IQUB: variants seen among roughly 807,000 people sequenced by gnomAD.
IQUB encodes IQ motif and ubiquitin-like domain-containing protein.
A neutral mutation model predicts 86.4 loss-of-function variants in IQUB; 86 were observed. The observed-to-expected ratio is 1.00, with a 90% confidence interval of 0.84 to 1.19. IQUB has a LOEUF of 1.19. IQUB is among the 50% of genes most tolerant of loss of function. The probability of loss-of-function intolerance (pLI) is 0.00; values close to 1 mark genes in which losing one functional copy is unlikely to be tolerated. For synonymous variants in IQUB, 289 were observed against 304.5 expected (o/e 0.95, Z 0.53); for missense variants, 946 against 916.9 (o/e 1.03, Z -0.41).
At chr7:123,486,648 T>C (rs1235923386) in intron 7 of IQUB, among the ~76,000 whole-genome samples, 1 of 152,230 alleles carries the variant, frequency 6.6e-6, no homozygotes, top group Non-Finnish European at 1.5e-5. Flanking sequence ...GAATCCTTTT[T>C]ATAATTAACA....
intron 7 of IQUB, among the ~76,000 whole-genome samples, chr7:123,493,871 G>C (rs6974802): frequency 0.27 from 41,168 of 150,372 alleles, 6,031 homozygotes; most frequent in East Asian, 0.37. Context: ...AAACTAGTTG[G>C]GGGGGCAGGG....
chr7:123,482,456 T>G (rs1302069667), intron 7 of IQUB, among the ~76,000 whole-genome samples: 1 of 152,038 alleles, frequency 6.6e-6, no homozygotes, highest in Non-Finnish European at 1.5e-5. Context: ...ACAAACTACA[T>G]TTTTACCACA....
chr7:123,515,969 C>T (rs1490669914), intron 1 of IQUB, among the ~76,000 whole-genome samples: 4 of 152,150 alleles, frequency 2.6e-5, no homozygotes, highest in Non-Finnish European at 5.9e-5. Flanking sequence ...GTGATGGAAA[C>T]ACTCAAAATC....
chr7:123,513,837 T>C (rs1796533431), intron 1 of IQUB, among the ~76,000 whole-genome samples: 1 of 152,102 alleles, frequency 6.6e-6, no homozygotes, highest in Non-Finnish European at 1.5e-5. Flanking sequence ...TTAGTAGAGA[T>C]GGGGTTTTGC....
Position 123,461,552 on chromosome 7 carries a change from G to A in IQUB, c.1812C>T (p.Cys604=). Residue 604 remains cysteine (C), a synonymous_variant, in exon 11 of 13, where the codon TGC becomes TGT. Transcript: ENST00000324698. ...FYKKIYFCHS[C]QLYLPSTEFS... is the part of the protein sequence containing the mutation. Reference sequence around the variant, plus strand: ...ATTCTGTAGAAGGCAAATAAAGCTGGCAACTGTGGCAAAAGTAAATCTTCT... The same window carrying A: ...ATTCTGTAGAAGGCAAATAAAGCTGACAACTGTGGCAAAAGTAAATCTTCT... 6.2e-7 allele frequency: 1 copy of A among 1,611,574 alleles called. No homozygotes were observed. The highest frequency in any genetic ancestry group is 1.1e-5 in the South Asian group (1 of 90,958).
chr7:123,517,568 C>T (rs962812160), intron 1 of IQUB, among the ~76,000 whole-genome samples: 5 of 150,018 alleles, frequency 3.3e-5, no homozygotes, highest in African/African-American at 1.2e-4. Flanking sequence ...GAAAGAGACC[C>T]TATATCTTTT....
chr7:123,460,709 C>T (rs902288060), intron 11 of IQUB, among the ~76,000 whole-genome samples: 1 of 151,896 alleles, frequency 6.6e-6, no homozygotes, highest in African/African-American at 2.4e-5. Flanking sequence ...GAGACACAGA[C>T]TATCCTCTGG....
chr7:123,522,835 C>T (rs1318859051), intron 1 of IQUB, among the ~76,000 whole-genome samples: 1 of 147,870 alleles, frequency 6.8e-6, no homozygotes, highest in African/African-American at 2.5e-5. Context: ...GTATATCTCC[C>T]AATGCTATCC....
At chr7:123,502,788 C>CAT in intron 5 of IQUB, 36 bp from the exon 6 acceptor site, 1 of 1,476,984 alleles carries the variant, frequency 6.8e-7, no homozygotes, top group Non-Finnish European at 9.2e-7. Context: ...ATCAGTATCC[C>CAT]CTATATATAT....
intron 1 of IQUB, among the ~76,000 whole-genome samples, chr7:123,519,082 G>A (rs1343077753): frequency 6.6e-6 from 1 of 152,010 alleles, no homozygotes. Context: ...ATAATAATCA[G>A]AGAAATGCAA....
chr7:123,517,530 CAAAAAAAAAAAAA>C lies in IQUB; in HGVS notation c.-4-5199_-4-5187del, dbSNP rs374712007. Among the ~76,000 whole-genome samples, 94 of 22,452 alleles carry C rather than the reference CAAAAAAAAAAAAA, an allele frequency of 4.2e-3. 2 individuals carry two copies. The highest frequency in any genetic ancestry group is 0.015 in the African/African-American group (75 of 5,008). The allele number at this position is 22,452 out of a possible 152,430, so 14.7% of individuals were successfully genotyped here. ...TGGGTGACAGAGCGAGACTCCATCT[CAAAAAAAAAAAAA>C]AAAAAAAAAAAAAAGAAAGAGACCC... is the stretch of plus-strand genomic sequence containing the variant. On this transcript the variant is annotated intron_variant, in intron 1 of 12. Coordinates refer to ENST00000324698, the MANE Select transcript of IQUB (RefSeq NM_178827.5).
intron 8 of IQUB, among the ~76,000 whole-genome samples, chr7:123,471,472 G>A (rs1257938517): frequency 6.6e-6 from 1 of 152,130 alleles, no homozygotes; most frequent in Non-Finnish European, 1.5e-5. Flanking sequence ...TGTATTAAAT[G>A]CAATTGCTTT....
rs150046097 is a variant in IQUB, at chr7:123,483,308, G to T, written c.1235-3338C>A. ...AGTCCTTTTCAGTGTGGACTTATCAGCTGGTTTACCACTGGAGGGCTACAT... is the reference window on the plus strand; with the variant it reads ...AGTCCTTTTCAGTGTGGACTTATCATCTGGTTTACCACTGGAGGGCTACAT... On this transcript the variant is annotated intron_variant, in intron 7 of 12. Transcript: ENST00000324698. 1.3e-3 allele frequency among the ~76,000 whole-genome samples: 205 copies of T among 152,114 alleles called. 5 individuals carry two copies. The East Asian group carries it at 0.031, about 23-fold the overall frequency.
intron 10 of IQUB, 136 bp from the exon 11 acceptor site, chr7:123,461,741 C>A: frequency 1.3e-6 from 1 of 763,056 alleles, no homozygotes; most frequent in Non-Finnish European, 1.9e-6. Flanking sequence ...TGGCTAATTT[C>A]TAAAATTTTA....
In IQUB at chr7:123,479,859, C is replaced by A. The variant is rs144590492; in HGVS notation, c.1346G>T (p.Gly449Val). The part of the protein sequence containing the change: ...EKETQIIASI[G>V]RHRYIAYMAN... ...CATATAAGCAATGTATCTATGTCTC[C>A]CAATGGAAGCAATTATCTGAGTCTC... is the stretch of plus-strand genomic sequence containing the variant. Residue 449 changes from glycine (G) to valine (V), a missense_variant, in exon 8 of 13, where the codon GGG becomes GTG. Physicochemically the swap from Gly to Val is moderately radical, Grantham distance 109. Coordinates refer to ENST00000324698, the MANE Select transcript of IQUB (RefSeq NM_178827.5). 29 of 1,612,834 alleles carry A rather than the reference C, an allele frequency of 1.8e-5. No individual in the cohort carries two copies. In the African/African-American group the frequency reaches 2.8e-4, roughly 16 times the overall value.
At chr7:123,466,388 T>A (rs951982285) in intron 9 of IQUB, among the ~76,000 whole-genome samples, 8 of 152,142 alleles carry the variant, frequency 5.3e-5, no homozygotes, top group Non-Finnish European at 1.0e-4. Flanking sequence ...CCCTATGCAC[T>A]CTCTTTTTGC....
chr7:123,513,494 C>G (rs1236647693), intron 1 of IQUB, among the ~76,000 whole-genome samples: 1 of 152,008 alleles, frequency 6.6e-6, no homozygotes, highest in Non-Finnish European at 1.5e-5. Flanking sequence ...CAAAAAACAA[C>G]AAAGATGCAT....
chr7:123,515,991 A>G (rs1796617905), intron 1 of IQUB, among the ~76,000 whole-genome samples: 1 of 152,226 alleles, frequency 6.6e-6, no homozygotes, highest in South Asian at 2.1e-4. Flanking sequence ...CAATTGTGGT[A>G]GTGGTTATGC....
intron 2 of IQUB, among the ~76,000 whole-genome samples, chr7:123,510,951 C>T (rs1247378891): frequency 6.6e-6 from 1 of 152,002 alleles, no homozygotes; most frequent in Non-Finnish European, 1.5e-5. Flanking sequence ...AGGTAAAGGA[C>T]CAAGACAACA....
Sources: gnomAD v4.1 joint callset for allele counts (sites outside exome capture counted in the v4.1 genomes callset) on GRCh38, gnomAD v4.1.1 for gene constraint, MANE v1.5 for transcripts, NCBI Gene and HGNC (gene_info 2026-07-23, HGNC 2026-07-21) for gene names.